Variants in MTMR14 observed in about 807,000 individuals in gnomAD.
The protein encoded by MTMR14 is myotubularin related protein 14.
Under a neutral mutation model 86.3 loss-of-function variants are expected in MTMR14, and 48 were observed. The observed-to-expected ratio is 0.56, with a 90% CI of 0.44 to 0.71. MTMR14 has a LOEUF of 0.71. Among genes scored for constraint, MTMR14 ranks in the 30% least tolerant of loss-of-function variants. MTMR14 has a pLI of 0.00. For synonymous variants in MTMR14, 366 were observed against 326.1 expected (o/e 1.12, Z -1.32); for missense variants, 780 against 834.6 (o/e 0.93, Z 0.81).
rs140198624 is a variant in MTMR14, at chr3:9,669,845, A to G, written c.554+353A>G. Among the ~76,000 whole-genome samples, 419 of 152,214 alleles carry G rather than the reference A, an allele frequency of 2.8e-3. 5 individuals carry two copies. In the East Asian group the frequency reaches 0.03, roughly 11 times the overall value. Reference sequence around the variant, plus strand: ...TTTGCAGCTATGATGCTGATTACCAACCTGCCAGATCTCACCCAGTACAGC... The same window carrying G: ...TTTGCAGCTATGATGCTGATTACCAGCCTGCCAGATCTCACCCAGTACAGC... On this transcript the variant is annotated intron_variant, in intron 5 of 18. Transcript: ENST00000296003.
Position 9,684,631 on chromosome 3 carries a change from C to G in MTMR14, c.1011C>G (p.Thr337=), listed in dbSNP as rs1559600923. The G allele has an allele frequency of 6.2e-7, 1 of 1,614,014 alleles. No individual in the cohort carries two copies. Among genetic ancestry groups the G allele is most frequent in the Admixed American group, 1.7e-5 (1 of 60,004 alleles). Residue 337 remains threonine (T), a synonymous_variant, in exon 11 of 19, where the codon ACC becomes ACG. Transcript: ENST00000296003. The part of the protein sequence containing the change: ...LVHCISGWDR[T]PLFISLLRLS... ...ACTGTATCTCAGGCTGGGATCGGAC[C>G]CCCCTCTTCATCTCCCTCCTGCGCC...
In MTMR14 at chr3:9,649,841, C is replaced by G. The variant is rs1360454810; in HGVS notation, c.159+99C>G. 3 of 1,562,258 alleles carry G rather than the reference C, an allele frequency of 1.9e-6. No homozygotes were observed. In the Admixed American group the frequency reaches 5.8e-5, roughly 30 times the overall value. On this transcript the variant is annotated intron_variant, in intron 1 of 18. Coordinates refer to ENST00000296003, the MANE Select transcript of MTMR14 (RefSeq NM_001077525.3). ...GGTCAGAAAAAGGTAGGAGTGGTAC[C>G]TCGCCGCTGAGGAAGAGGAGAGAGA...
intron 17 of MTMR14, among the ~76,000 whole-genome samples, chr3:9,695,804 C>A (rs1055899340): frequency 6.6e-6 from 1 of 152,190 alleles, no homozygotes; most frequent in Non-Finnish European, 1.5e-5. Context: ...TACCCTGCAG[C>A]TTGAACAATA....
In MTMR14 at chr3:9,702,074, A is replaced by G. The variant is rs1489928036; in HGVS notation, c.*101A>G. On this transcript the variant is annotated 3_prime_UTR_variant, in exon 19 of 19. Coordinates refer to ENST00000296003, the MANE Select transcript of MTMR14 (RefSeq NM_001077525.3). ...GAAGGGGTACTTCCAGGTCAGGGGA[A>G]ATTTCAGTCCCCCATCTCCATCATG... The G allele has an allele frequency of 5.5e-6, 8 of 1,459,780 alleles. No homozygotes were observed. The highest frequency in any genetic ancestry group is 7.6e-6 in the Non-Finnish European group (8 of 1,052,952). 90.4% of individuals were successfully genotyped at this position (1,459,780 alleles called of 1,614,324 possible).
In MTMR14 at chr3:9,687,831, TCTGCTTC is replaced by T; in HGVS notation, c.1176_1182del (p.Phe392LeufsTer4). The T allele has an allele frequency of 6.3e-7, 1 of 1,577,066 alleles. No homozygotes were observed. The highest frequency in any genetic ancestry group is 1.8e-5 in the Admixed American group (1 of 54,768). On this transcript the variant is annotated frameshift_variant, in exon 14 of 19. Transcript: ENST00000296003. LOFTEE classifies it high-confidence loss of function. ...TTTGGTCTCCTTTAGATTTTCTTCT[TCTGCTTC>T]AATTTTTTGAAGCATATTACCTCCG...
chr3:9,656,917 G>A (rs527310193), intron 2 of MTMR14, among the ~76,000 whole-genome samples: 33 of 151,424 alleles, frequency 2.2e-4, no homozygotes, highest in African/African-American at 7.8e-4. Flanking sequence ...TAATCAAGGT[G>A]GGTTTTTTTG....
chr3:9,672,708 A>G lies in MTMR14; in HGVS notation c.701A>G (p.Asp234Gly). 6.2e-7 allele frequency: 1 copy of G among 1,614,196 alleles called. No homozygotes were observed. Residue 234 changes from aspartate (D) to glycine (G), a missense_variant, in exon 7 of 19, where the codon GAC (aspartate) becomes GGC (glycine). Coordinates refer to ENST00000296003, the MANE Select transcript of MTMR14 (RefSeq NM_001077525.3). ...GMNVTSSEKV[D>G]KAQRYADFTL... Reference sequence around the variant, plus strand: ...AGTGTAACCTCCTCTGAGAAGGTGGACAAAGCCCAGCGCTATGCCGACTTC... The same window carrying G: ...AGTGTAACCTCCTCTGAGAAGGTGGGCAAAGCCCAGCGCTATGCCGACTTC...
chr3:9,671,219 T>G (rs1260895333), intron 6 of MTMR14, 49 bp downstream of exon 6: 1 of 1,613,356 alleles, frequency 6.2e-7, no homozygotes, highest in Non-Finnish European at 8.5e-7. Context: ...TGTGTACAGA[T>G]TTGCAGGGCT....
intron 1 of MTMR14, among the ~76,000 whole-genome samples, chr3:9,652,964 C>T (rs989616733): frequency 6.6e-6 from 1 of 151,900 alleles, no homozygotes; most frequent in African/African-American, 2.4e-5. Context: ...AGGCCGGGTG[C>T]CGTGGCTCAC....
At chr3:9,658,028 C>A (rs2047713772) in intron 2 of MTMR14, among the ~76,000 whole-genome samples, 1 of 152,170 alleles carries the variant, frequency 6.6e-6, no homozygotes, top group African/African-American at 2.4e-5. Flanking sequence ...ACAGTTAGGC[C>A]AAGGCCACTG....
intron 17 of MTMR14, among the ~76,000 whole-genome samples, chr3:9,696,078 T>C (rs905851209): frequency 6.6e-5 from 10 of 152,234 alleles, no homozygotes; most frequent in Admixed American, 3.3e-4. Context: ...GAATGATGAA[T>C]GTGACAAGTC....
intron 16 of MTMR14, among the ~76,000 whole-genome samples, chr3:9,689,672 GA>G (rs891998685): frequency 2.0e-5 from 3 of 152,226 alleles, no homozygotes. Context: ...TTTAGAGGGG[GA>G]AAAAAGATTT....
At position 9,653,720 on chromosome 3, in the gene MTMR14, C is replaced by A. The variant is rs767227530; in HGVS notation, c.259C>A (p.Arg87=). The A allele has an allele frequency of 1.9e-6, 3 of 1,614,038 alleles. No homozygotes were observed. In the African/African-American group the frequency reaches 4.0e-5, roughly 22 times the overall value. ...TNGDICGHYP[R]HIVFLEYESS... is the part of the protein sequence containing the mutation. Reference sequence around the variant, plus strand: ...TGGGGATATCTGTGGCCACTATCCCCGGCACATCGTGTTCCTGGAGTATGA... The same window carrying A: ...TGGGGATATCTGTGGCCACTATCCCAGGCACATCGTGTTCCTGGAGTATGA... The change falls in exon 2 of 19, where the codon CGG becomes AGG. Residue 87 remains arginine, a synonymous_variant. Transcript: ENST00000296003.
At chr3:9,685,083 C>A in intron 12 of MTMR14, 119 bp downstream of exon 12, 1 of 1,486,874 alleles carries the variant, frequency 6.7e-7, no homozygotes, top group Non-Finnish European at 9.4e-7. Context: ...CGAGAAGGAC[C>A]GAAGCTGCTG....
At chr3:9,655,305 T>A (rs2047533121) in intron 2 of MTMR14, among the ~76,000 whole-genome samples, 1 of 150,740 alleles carries the variant, frequency 6.6e-6, no homozygotes, top group Non-Finnish European at 1.5e-5. Flanking sequence ...AGGTGGAGGT[T>A]GCAGTGAGCC....
chr3:9,670,429 C>T (rs545910657), intron 5 of MTMR14, among the ~76,000 whole-genome samples: 4 of 152,264 alleles, frequency 2.6e-5, no homozygotes, highest in South Asian at 2.1e-4. Context: ...AAAGTAATGG[C>T]GACTGTTTAT....
chr3:9,668,599 T>C, intron 3 of MTMR14, 120 bp from the exon 4 acceptor site: 2 of 954,794 alleles, frequency 2.1e-6, no homozygotes. Flanking sequence ...GATAAAACTT[T>C]GGGGAGTGCT....
intron 3 of MTMR14, among the ~76,000 whole-genome samples, chr3:9,666,366 C>A (rs2048256984): frequency 6.6e-6 from 1 of 152,070 alleles, no homozygotes; most frequent in South Asian, 2.1e-4. Context: ...CTCCTGGCTT[C>A]AAGTGATCTG....
rs1162108981 is a variant in MTMR14, at chr3:9,671,099, G to T, written c.606G>T (p.Leu202=). 3.7e-6 allele frequency: 6 copies of T among 1,614,216 alleles called. No homozygotes were observed. The highest frequency in any genetic ancestry group is 5.1e-6 in the Non-Finnish European group (6 of 1,180,038). The change falls in exon 6 of 19, where the codon CTG becomes CTT. Residue 202 remains leucine, a synonymous_variant. Coordinates refer to ENST00000296003, the MANE Select transcript of MTMR14 (RefSeq NM_001077525.3). The part of the protein sequence containing the change: ...FDKVRGYDIK[L]LRYLSVKYIC... Reference sequence around the variant, plus strand: ...AGGTCAGAGGCTATGACATCAAGCTGCTTCGATACCTGTCAGTCAAATACA... The same window carrying T: ...AGGTCAGAGGCTATGACATCAAGCTTCTTCGATACCTGTCAGTCAAATACA...
Sources: gnomAD v4.1 joint callset for allele counts (sites outside exome capture counted in the v4.1 genomes callset) on GRCh38, gnomAD v4.1.1 for gene constraint, MANE v1.5 for transcripts, NCBI Gene and HGNC (gene_info 2026-07-23, HGNC 2026-07-21) for gene names.